The following PACRG variants were observed in gnomAD, a reference collection of about 807,000 sequenced individuals.
PACRG encodes the protein parkin coregulated, also known as parkin coregulated gene protein.
In PACRG, 29 loss-of-function variants were observed where a neutral mutation model predicts 29.7. That is an observed-to-expected ratio of 0.98 (90% CI 0.73 to 1.33). The LOEUF (loss-of-function observed/expected upper bound fraction) is 1.33, where lower values mean the gene tolerates loss of function less well. Ranked by LOEUF, PACRG falls within the 40% of genes most tolerant of loss-of-function variation. The pLI, the probability that PACRG is intolerant of heterozygous loss-of-function variation, is 0.00. For synonymous variants in PACRG, 116 were observed against 118.7 expected (o/e 0.98, Z 0.15); for missense variants, 279 against 316.2 (o/e 0.88, Z 0.89).
At chr6:162,980,185 C>T (rs1053038090) in intron 2 of PACRG, among the ~76,000 whole-genome samples, 1 of 151,876 alleles carries the variant, frequency 6.6e-6, no homozygotes, top group Admixed American at 6.6e-5. Context: ...CACACACACA[C>T]ACACGCACAC....
At chr6:162,792,615 C>T (rs1036995491) in intron 1 of PACRG, among the ~76,000 whole-genome samples, 1 of 152,136 alleles carries the variant, frequency 6.6e-6, no homozygotes, top group African/African-American at 2.4e-5. Flanking sequence ...GCAGACACTT[C>T]GTCTCTAGTC....
intron 2 of PACRG, among the ~76,000 whole-genome samples, chr6:162,933,572 T>C (rs1798007946): frequency 6.6e-6 from 1 of 150,934 alleles, no homozygotes; most frequent in Non-Finnish European, 1.5e-5. Flanking sequence ...AAATTTATCA[T>C]TTTATCAGTA....
intron 4 of PACRG, among the ~76,000 whole-genome samples, chr6:163,274,150 A>C (rs1783943076): frequency 6.6e-6 from 1 of 152,068 alleles, no homozygotes; most frequent in Non-Finnish European, 1.5e-5. Flanking sequence ...CATTTACATT[A>C]GGTAAATCTC....
At chr6:163,099,622 C>T (rs1344259135) in intron 4 of PACRG, among the ~76,000 whole-genome samples, 1 of 152,178 alleles carries the variant, frequency 6.6e-6, no homozygotes, top group Non-Finnish European at 1.5e-5. Context: ...ATATGCAAAT[C>T]TTCCATGAGC....
chr6:163,038,899 T>C (rs1435425359), intron 2 of PACRG, among the ~76,000 whole-genome samples: 3 of 152,124 alleles, frequency 2.0e-5, no homozygotes, highest in Non-Finnish European at 2.9e-5. Flanking sequence ...TTCCATAAAA[T>C]TGTGTGTTTC....
chr6:163,024,991 G>C (rs79380655), intron 2 of PACRG, among the ~76,000 whole-genome samples: 25,140 of 151,996 alleles, frequency 0.17, 2,307 homozygotes, highest in East Asian at 0.26. Flanking sequence ...TTGAGATATG[G>C]TTATCTCAAT....
At chr6:163,069,229 A>G (rs1291203880) in intron 3 of PACRG, among the ~76,000 whole-genome samples, 1 of 150,628 alleles carries the variant, frequency 6.6e-6, no homozygotes, top group Non-Finnish European at 1.5e-5. Context: ...GCAATACCTA[A>G]CTTTTCAATG....
At chr6:163,005,770 A>G (rs978255368) in intron 2 of PACRG, among the ~76,000 whole-genome samples, 66 of 149,990 alleles carry the variant, frequency 4.4e-4, no homozygotes, top group African/African-American at 1.6e-3. Context: ...AATTTTATAT[A>G]TATATAAAAC....
chr6:163,302,305 G>A (rs1389364604), intron 4 of PACRG, among the ~76,000 whole-genome samples: 2 of 148,480 alleles, frequency 1.3e-5, no homozygotes, highest in Admixed American at 1.3e-4. Flanking sequence ...GGGCTTTAAA[G>A]CCTTAAACAT....
chr6:162,733,722 C>T (rs1026592237), intron 1 of PACRG, among the ~76,000 whole-genome samples: 3 of 152,160 alleles, frequency 2.0e-5, no homozygotes, highest in Non-Finnish European at 4.4e-5. Context: ...CGCCTTTGCC[C>T]TTCCTGTTTC....
At chr6:163,272,973 G>A (rs1296570225) in intron 4 of PACRG, among the ~76,000 whole-genome samples, 3 of 136,124 alleles carry the variant, frequency 2.2e-5, no homozygotes, top group Admixed American at 7.2e-5. Flanking sequence ...CTCACTGCAA[G>A]CTCCGCCTCC....
intron 2 of PACRG, among the ~76,000 whole-genome samples, chr6:162,897,112 T>A (rs913440561): frequency 1.3e-5 from 2 of 152,198 alleles, no homozygotes; most frequent in African/African-American, 4.8e-5. Flanking sequence ...AGTTTAAGAT[T>A]AGTTCCTGGG....
chr6:163,263,377 C>T (rs543445008), intron 4 of PACRG, among the ~76,000 whole-genome samples: 32 of 152,246 alleles, frequency 2.1e-4, no homozygotes, highest in African/African-American at 7.5e-4. Context: ...CTAAGGATCA[C>T]GTGGCGGCCG....
At chr6:162,877,562 T>C (rs967328966) in intron 2 of PACRG, among the ~76,000 whole-genome samples, 2 of 150,712 alleles carry the variant, frequency 1.3e-5, no homozygotes, top group Non-Finnish European at 2.9e-5. Context: ...TCTGCACATG[T>C]ATCCCAGAAC....
chr6:162,801,646 T>A (rs1785886515), intron 1 of PACRG, among the ~76,000 whole-genome samples: 1 of 152,182 alleles, frequency 6.6e-6, no homozygotes, highest in African/African-American at 2.4e-5. Flanking sequence ...CCTTTAAGTC[T>A]AACAGAAACC....
At chr6:163,280,146 TC>T (rs1444276760) in intron 4 of PACRG, among the ~76,000 whole-genome samples, 1 of 152,188 alleles carries the variant, frequency 6.6e-6, no homozygotes, top group Non-Finnish European at 1.5e-5. Flanking sequence ...CTCCTTTCCA[TC>T]CTCCCAGATC....
At chr6:162,826,077 G>A (rs2128384753) in intron 2 of PACRG, among the ~76,000 whole-genome samples, 1 of 152,166 alleles carries the variant, frequency 6.6e-6, no homozygotes, top group Admixed American at 6.5e-5. Context: ...ACCATCTTGA[G>A]ATGTAATCTT....
intron 4 of PACRG, among the ~76,000 whole-genome samples, chr6:163,195,618 G>A (rs1004020429): frequency 6.6e-6 from 1 of 152,178 alleles, no homozygotes; most frequent in Non-Finnish European, 1.5e-5. Context: ...GGTAGGAAGG[G>A]GTCTAACCTC....
intron 2 of PACRG, among the ~76,000 whole-genome samples, chr6:163,057,708 G>A (rs1340890258): frequency 6.6e-6 from 1 of 152,218 alleles, no homozygotes; most frequent in Non-Finnish European, 1.5e-5. Flanking sequence ...TCAAGGCTAG[G>A]AGCCAAGCCA....
Sources: gnomAD v4.1 joint callset for allele counts (sites outside exome capture counted in the v4.1 genomes callset) on GRCh38, gnomAD v4.1.1 for gene constraint, MANE v1.5 for transcripts, NCBI Gene and HGNC (gene_info 2026-07-23, HGNC 2026-07-21) for gene names.